The following NRXN1 variants were observed in gnomAD, a reference collection of about 807,000 sequenced individuals.
NRXN1 encodes neurexin-1.
Under a neutral mutation model 150.9 loss-of-function variants are expected in NRXN1, and 39 were observed. That is an observed-to-expected ratio of 0.26 (90% CI 0.20 to 0.34). NRXN1 has a LOEUF of 0.34. Among genes scored for constraint, NRXN1 ranks in the 10% least tolerant of loss-of-function variants. The pLI, the probability that NRXN1 is intolerant of heterozygous loss-of-function variation, is 1.00. For synonymous variants in NRXN1, 924 were observed against 757.0 expected, an observed-to-expected ratio of 1.22 and a Z score of -3.62; for missense variants, 1,815 against 1,949.9, an observed-to-expected ratio of 0.93 and a Z score of 1.30.
intron 21 of NRXN1, chr2:49,966,673 C>T (rs1677020621): frequency 6.6e-6 from 1 of 152,020 alleles, no homozygotes; most frequent in Non-Finnish European, 1.5e-5. Context: ...AGTACAATGT[C>T]TTCACATAAA....
intron 5 of NRXN1, among the ~76,000 whole-genome samples, chr2:50,813,124 A>AGGATGG (rs1668458311): frequency 1.3e-5 from 2 of 151,828 alleles, no homozygotes; most frequent in Non-Finnish European, 2.9e-5. Flanking sequence ...AGCCTGGGGG[A>AGGATGG]CTGAAGCTGG....
chr2:50,503,781 C>G (rs546433679), intron 13 of NRXN1, among the ~76,000 whole-genome samples: 1 of 152,190 alleles, frequency 6.6e-6, no homozygotes, highest in Non-Finnish European at 1.5e-5. Context: ...TTTACATGGT[C>G]TTAATGTCTC....
intron 8 of NRXN1, among the ~76,000 whole-genome samples, chr2:50,582,159 G>A (rs1176144376): frequency 6.6e-6 from 1 of 152,060 alleles, no homozygotes; most frequent in Non-Finnish European, 1.5e-5. Context: ...AGGATTCCTC[G>A]CTATAAATTG....
chr2:50,958,542 G>C (rs1426236672), intron 2 of NRXN1, among the ~76,000 whole-genome samples: 2 of 151,736 alleles, frequency 1.3e-5, no homozygotes, highest in African/African-American at 4.8e-5. Flanking sequence ...AAAGTCAACT[G>C]GTTTTTGTGA....
At chr2:50,788,064 T>C (rs1170081568) in intron 5 of NRXN1, among the ~76,000 whole-genome samples, 3 of 151,962 alleles carry the variant, frequency 2.0e-5, no homozygotes, top group African/African-American at 4.8e-5. Flanking sequence ...TCCAGTTTTC[T>C]ATCTTGCCTG....
At chr2:50,534,154 A>G (rs969555544) in intron 10 of NRXN1, among the ~76,000 whole-genome samples, 6 of 151,912 alleles carry the variant, frequency 3.9e-5, no homozygotes, top group African/African-American at 1.2e-4. Flanking sequence ...GCTAATTTCA[A>G]TTTGAATACC....
At chr2:50,515,474 T>C (rs1355461918) in intron 12 of NRXN1, among the ~76,000 whole-genome samples, 2 of 152,136 alleles carry the variant, frequency 1.3e-5, no homozygotes, top group African/African-American at 2.4e-5. Flanking sequence ...TGCCAAAAAG[T>C]TTGGAGACCA....
intron 17 of NRXN1, among the ~76,000 whole-genome samples, chr2:50,257,222 C>T (rs1915239): frequency 0.58 from 88,649 of 151,780 alleles, 26,631 homozygotes; most frequent in African/African-American, 0.72. Flanking sequence ...AGGAGGCTAC[C>T]GATAATCTAT....
At chr2:50,268,534 T>C (rs563429142) in intron 17 of NRXN1, among the ~76,000 whole-genome samples, 44 of 152,116 alleles carry the variant, frequency 2.9e-4, no homozygotes, top group Non-Finnish European at 5.1e-4. Context: ...CTATGGAATA[T>C]AATTGAGCTC....
At chr2:50,783,937 A>G (rs1704712534) in intron 5 of NRXN1, among the ~76,000 whole-genome samples, 1 of 152,128 alleles carries the variant, frequency 6.6e-6, no homozygotes, top group South Asian at 2.1e-4. Context: ...TCATATTTAA[A>G]GAATACCTTC....
chr2:50,416,947 A>G (rs1303085379), intron 17 of NRXN1: 1 of 152,154 alleles, frequency 6.6e-6, no homozygotes, highest in Non-Finnish European at 1.5e-5. Flanking sequence ...TCAGAAAGTT[A>G]TATTTTGCAT....
chr2:50,924,208 GTT>G (rs1686515190), intron 3 of NRXN1, among the ~76,000 whole-genome samples: 1 of 151,668 alleles, frequency 6.6e-6, no homozygotes, highest in Non-Finnish European at 1.5e-5. Flanking sequence ...ACTTCCAACG[GTT>G]TTGATGCTAC....
chr2:50,291,379 C>T (rs1470082912), intron 17 of NRXN1, among the ~76,000 whole-genome samples: 2 of 152,094 alleles, frequency 1.3e-5, no homozygotes, highest in Admixed American at 6.6e-5. Context: ...TAATTGGGCA[C>T]CCACTCTACA....
intron 8 of NRXN1, among the ~76,000 whole-genome samples, chr2:50,585,803 T>C (rs773670483): frequency 2.0e-4 from 31 of 152,164 alleles, no homozygotes; most frequent in South Asian, 4.1e-4. Flanking sequence ...AGATGATTCA[T>C]TCATATTGCC....
At chr2:50,557,790 A>G (rs1339532166) in intron 8 of NRXN1, among the ~76,000 whole-genome samples, 1 of 152,222 alleles carries the variant, frequency 6.6e-6, no homozygotes, top group Admixed American at 6.5e-5. Flanking sequence ...TGTCATAACA[A>G]AGGTAACAGC....
At chr2:50,136,413 G>A (rs1706418930) in intron 18 of NRXN1, among the ~76,000 whole-genome samples, 3 of 152,132 alleles carry the variant, frequency 2.0e-5, no homozygotes, top group Admixed American at 6.5e-5. Flanking sequence ...CTGGCTTACA[G>A]AAAGAACATG....
At chr2:50,682,146 GATTA>G (rs1373193150) in intron 5 of NRXN1, among the ~76,000 whole-genome samples, 1 of 152,080 alleles carries the variant, frequency 6.6e-6, no homozygotes, top group Non-Finnish European at 1.5e-5. Context: ...TTCACACCTG[GATTA>G]ATTAATTTTC....
chr2:50,897,992 T>C (rs984741833), intron 5 of NRXN1, among the ~76,000 whole-genome samples: 2 of 152,220 alleles, frequency 1.3e-5, no homozygotes, highest in Non-Finnish European at 2.9e-5. Flanking sequence ...TATCTTCCAC[T>C]ATAGTTTGAA....
intron 18 of NRXN1, among the ~76,000 whole-genome samples, chr2:50,235,309 G>A (rs1358808565): frequency 6.6e-6 from 1 of 151,996 alleles, no homozygotes; most frequent in Non-Finnish European, 1.5e-5. Context: ...AAATCCAGAT[G>A]TTCTTAATTT....
Sources: allele counts gnomAD v4.1 joint callset (sites outside exome capture counted in the v4.1 genomes callset), GRCh38; gene constraint gnomAD v4.1.1; transcripts MANE v1.5; gene names NCBI Gene and HGNC (gene_info 2026-07-23, HGNC 2026-07-21).